RPS6KA2: variants seen among roughly 807,000 people sequenced by gnomAD.
RPS6KA2 encodes the protein ribosomal protein S6 kinase A2.
A neutral mutation model predicts 91.8 loss-of-function variants in RPS6KA2; 42 were observed. The ratio of observed to expected loss-of-function variants is 0.46; its 90% CI spans 0.36 to 0.59. RPS6KA2 has a LOEUF of 0.59. Ranked by LOEUF, RPS6KA2 falls within the 20% of genes least tolerant of loss-of-function variation. RPS6KA2 has a pLI of 0.00. For missense variants in RPS6KA2, 798 were observed against 978.5 expected, an observed-to-expected ratio of 0.82 and a Z score of 2.46; for synonymous variants, 414 against 393.6, an observed-to-expected ratio of 1.05 and a Z score of -0.61.
intron 2 of RPS6KA2, among the ~76,000 whole-genome samples, chr6:166,758,308 A>C (rs12193400): frequency 1.6e-4 from 24 of 152,208 alleles, no homozygotes; most frequent in Non-Finnish European, 3.2e-4. Context: ...GCACGTGCAC[A>C]TGCATGCACG....
At chr6:166,829,589 C>CAAAAAAAAAAAAAAA (rs57711560) in intron 2 of RPS6KA2, among the ~76,000 whole-genome samples, 2 of 96,938 alleles carry the variant, frequency 2.1e-5, no homozygotes, top group African/African-American at 9.5e-5. Flanking sequence ...GACTCTGTCT[C>CAAAAAAAAAAAAAAA]AAAAAAAAAA....
At chr6:166,779,802 G>C (rs182734378) in intron 2 of RPS6KA2, among the ~76,000 whole-genome samples, 3 of 152,104 alleles carry the variant, frequency 2.0e-5, no homozygotes, top group African/African-American at 7.2e-5. Flanking sequence ...AAGTGAGGGC[G>C]GCCAAGAGAA....
intron 1 of RPS6KA2, among the ~76,000 whole-genome samples, chr6:166,542,060 T>C (rs374528266): frequency 6.6e-6 from 1 of 152,312 alleles, no homozygotes; most frequent in South Asian, 2.1e-4. Flanking sequence ...CTTAACTTTC[T>C]TTTTCACTTT....
chr6:166,571,917 T>C (rs1264725047), intron 1 of RPS6KA2, among the ~76,000 whole-genome samples: 2 of 152,318 alleles, frequency 1.3e-5, no homozygotes, highest in Admixed American at 1.3e-4. Context: ...TGTGTAAACG[T>C]GCCATGTTGG....
At chr6:166,468,079 A>T (rs972380150) in intron 11 of RPS6KA2, among the ~76,000 whole-genome samples, 1 of 152,210 alleles carries the variant, frequency 6.6e-6, no homozygotes, top group African/African-American at 2.4e-5. Context: ...TTCATGAAAC[A>T]GGCTTGCCTG....
At chr6:166,534,978 G>A (rs1284322441) in intron 2 of RPS6KA2, among the ~76,000 whole-genome samples, 3 of 152,206 alleles carry the variant, frequency 2.0e-5, no homozygotes, top group African/African-American at 7.2e-5. Context: ...ACCCTTGGGT[G>A]CCGTGCAGTT....
intron 19 of RPS6KA2, among the ~76,000 whole-genome samples, chr6:166,417,057 A>ATGAT (rs1361484239): frequency 6.6e-6 from 1 of 152,228 alleles, no homozygotes; most frequent in Non-Finnish European, 1.5e-5. Context: ...TGGCTGGATT[A>ATGAT]TGATTTACTA....
chr6:166,671,851 A>T (rs1788481252), intron 2 of RPS6KA2, among the ~76,000 whole-genome samples: 1 of 152,160 alleles, frequency 6.6e-6, no homozygotes. Flanking sequence ...TCACACCAGT[A>T]AGTCAGCAGC....
chr6:166,779,853 GA>G (rs1778721809), intron 2 of RPS6KA2, among the ~76,000 whole-genome samples: 3 of 152,180 alleles, frequency 2.0e-5, no homozygotes, highest in African/African-American at 7.2e-5. Flanking sequence ...ACGGCTGCTG[GA>G]AAAGGACTCA....
intron 2 of RPS6KA2, among the ~76,000 whole-genome samples, chr6:166,854,113 C>T (rs915657199): frequency 6.6e-6 from 1 of 152,190 alleles, no homozygotes; most frequent in Non-Finnish European, 1.5e-5. Context: ...ACCAAGAATC[C>T]ACCCATCCCG....
chr6:166,576,853 G>A (rs765699621), intron 1 of RPS6KA2, among the ~76,000 whole-genome samples: 3 of 152,112 alleles, frequency 2.0e-5, no homozygotes, highest in Non-Finnish European at 4.4e-5. Flanking sequence ...ATGTCTCCAG[G>A]GCATGTCAGA....
intron 1 of RPS6KA2, among the ~76,000 whole-genome samples, chr6:166,564,914 T>C (rs2128507203): frequency 6.6e-6 from 1 of 152,288 alleles, no homozygotes; most frequent in Admixed American, 6.5e-5. Context: ...CTTTAGGACA[T>C]GTGATCCCTT....
intron 2 of RPS6KA2, among the ~76,000 whole-genome samples, chr6:166,676,939 C>G (rs939362463): frequency 2.6e-5 from 4 of 152,202 alleles, no homozygotes; most frequent in Middle Eastern, 3.2e-3. Flanking sequence ...GAAAGGATTT[C>G]TTTAATGGTC....
chr6:166,830,138 A>AAAAGAAAGAAAG (rs200116355), intron 2 of RPS6KA2, among the ~76,000 whole-genome samples: 4 of 129,040 alleles, frequency 3.1e-5, no homozygotes, highest in African/African-American at 1.2e-4. Flanking sequence ...AAAAAAAAAA[A>AAAAGAAAGAAAG]AAAGAAAGAA....
At position 166,841,354 on chromosome 6, in the gene RPS6KA2, C is replaced by T. The variant is rs572137699; in HGVS notation, c.123+16846G>A. On this transcript the variant is annotated intron_variant, in intron 2 of 21. Coordinates refer to the RPS6KA2 transcript ENST00000503859. Reference sequence around the variant, plus strand: ...GTCAAGGCCATGTCTGCAGCTTCAGCGCTGACGCGTGCTTCTTGCCATGCT... The same window carrying T: ...GTCAAGGCCATGTCTGCAGCTTCAGTGCTGACGCGTGCTTCTTGCCATGCT... Among the ~76,000 whole-genome samples the T allele has an allele frequency of 5.9e-5, 9 of 152,386 alleles. No individual in the cohort carries two copies. In the East Asian group the frequency reaches 7.7e-4, roughly 13 times the overall value.
rs144122746 is a variant in RPS6KA2, at chr6:166,808,870, C to T, written c.123+49330G>A. The stretch of plus-strand genomic sequence containing the variant: ...ATGTTGAGACATTCATAAATTCATG[C>T]TAAAATTTGCTTGGATGAATAAAGG... On this transcript the variant is annotated intron_variant, in intron 2 of 21. Transcript: ENST00000503859. 3.7e-3 allele frequency among the ~76,000 whole-genome samples: 561 copies of T among 152,222 alleles called. 5 individuals carry two copies. The highest frequency in any genetic ancestry group is 0.013 in the African/African-American group (542 of 41,528).
At chr6:166,641,899 TAGAA>T (rs1047739922) in intron 2 of RPS6KA2, among the ~76,000 whole-genome samples, 1 of 151,190 alleles carries the variant, frequency 6.6e-6, no homozygotes, top group South Asian at 2.1e-4. Flanking sequence ...ATATGGAAGA[TAGAA>T]GGAGAAAAAT....
chr6:166,491,575 G>A (rs1267582529), intron 8 of RPS6KA2, among the ~76,000 whole-genome samples: 9 of 152,110 alleles, frequency 5.9e-5, no homozygotes, highest in African/African-American at 4.8e-5. Flanking sequence ...AATCCTACTC[G>A]GTGTCTTTCA....
At chr6:166,618,710 G>A (rs1401138668) in intron 1 of RPS6KA2, among the ~76,000 whole-genome samples, 1 of 152,234 alleles carries the variant, frequency 6.6e-6, no homozygotes, top group Non-Finnish European at 1.5e-5. Flanking sequence ...CTTCGGGAGG[G>A]TAGGACGAGC....
Sources: gnomAD v4.1 joint callset for allele counts (sites outside exome capture counted in the v4.1 genomes callset) on GRCh38, gnomAD v4.1.1 for gene constraint, MANE v1.5 for transcripts, NCBI Gene and HGNC (gene_info 2026-07-23, HGNC 2026-07-21) for gene names.